The following DLG2 variants were observed in gnomAD, a reference collection of about 807,000 sequenced individuals.
DLG2 encodes disks large homolog 2.
Under a neutral mutation model 132.5 loss-of-function variants are expected in DLG2, and 45 were observed. The observed-to-expected ratio is 0.34, with a 90% confidence interval of 0.27 to 0.44. DLG2 has a LOEUF of 0.44. Ranked by LOEUF, DLG2 falls within the 20% of genes least tolerant of loss-of-function variation. The pLI is 1.00. For synonymous variants in DLG2, 424 were observed against 419.6 expected, an observed-to-expected ratio of 1.01 and a Z score of -0.13; for missense variants, 1,045 against 1,196.9, an observed-to-expected ratio of 0.87 and a Z score of 1.87.
At chr11:84,245,016 T>C (rs1396495961) in intron 8 of DLG2, among the ~76,000 whole-genome samples, 2 of 152,242 alleles carry the variant, frequency 1.3e-5, no homozygotes, top group Non-Finnish European at 2.9e-5. Flanking sequence ...ACTTCTGTAA[T>C]ATGGCAACTT....
At chr11:84,719,064 A>C (rs541417006) in intron 6 of DLG2, among the ~76,000 whole-genome samples, 24 of 152,322 alleles carry the variant, frequency 1.6e-4, no homozygotes, top group African/African-American at 5.3e-4. Context: ...TCTCATCCAC[A>C]GTCCTCATTT....
At chr11:83,743,428 C>CA (rs2092676644) in intron 18 of DLG2, among the ~76,000 whole-genome samples, 1 of 58,274 alleles carries the variant, frequency 1.7e-5, no homozygotes, top group South Asian at 7.1e-4. Context: ...GTGGGCAGGC[C>CA]ATTTTTTTTT....
At chr11:83,508,795 G>T (rs929091466) in intron 21 of DLG2, among the ~76,000 whole-genome samples, 5 of 152,198 alleles carry the variant, frequency 3.3e-5, no homozygotes, top group African/African-American at 1.2e-4. Flanking sequence ...GCCGGCAAGT[G>T]GCAGAACTGG....
rs552536994 is a variant in DLG2 at position 84,283,492 on chromosome 11, CAAGT to C, written c.520-32205_520-32202del. Among the ~76,000 whole-genome samples the C allele has an allele frequency of 2.0e-4, 31 of 152,242 alleles. No homozygotes were observed. In the East Asian group the frequency reaches 6.0e-3, roughly 29 times the overall value. On this transcript the variant is annotated intron_variant, in intron 7 of 27. Coordinates refer to ENST00000376104, the MANE Select transcript of DLG2 (RefSeq NM_001142699.3). Reference sequence around the variant, plus strand: ...AATTTAACTTTACTGATTTATTTAACAAGTAAGAATTAAGTAATAGATCTAAGAT... The same window carrying C: ...AATTTAACTTTACTGATTTATTTAACAAGAATTAAGTAATAGATCTAAGAT...
rs188050611 is a variant in DLG2, at chr11:85,188,573, C to A, written c.187-33922G>T. ...AACAATGACTTTAAAGCAAATATTA[C>A]AAATATATTATAAGAATTAAAGCCC... On this transcript the variant is annotated intron_variant, in intron 4 of 27. Transcript: ENST00000376104. Among the ~76,000 whole-genome samples, 48 of 152,042 alleles carry A rather than the reference C, an allele frequency of 3.2e-4. 1 individual carries two copies. The highest frequency in any genetic ancestry group is 9.4e-4 in the African/African-American group (39 of 41,462).
At chr11:84,184,896 T>C (rs1388776775) in intron 8 of DLG2, among the ~76,000 whole-genome samples, 1 of 152,184 alleles carries the variant, frequency 6.6e-6, no homozygotes, top group Admixed American at 6.5e-5. Context: ...TGCGACATTA[T>C]TTCTGAGGGC....
intron 6 of DLG2, among the ~76,000 whole-genome samples, chr11:84,872,445 A>G (rs2085618845): frequency 6.6e-6 from 1 of 152,198 alleles, no homozygotes. Context: ...GCCCTTGAGG[A>G]TCTTAAGGGT....
chr11:84,869,464 T>C (rs1276414248), intron 6 of DLG2, among the ~76,000 whole-genome samples: 2 of 152,216 alleles, frequency 1.3e-5, no homozygotes, highest in Non-Finnish European at 2.9e-5. Flanking sequence ...TGTCAATCTC[T>C]GAAAGGTTGA....
chr11:83,835,168 A>G (rs568739755), intron 16 of DLG2, among the ~76,000 whole-genome samples: 8 of 152,334 alleles, frequency 5.3e-5, no homozygotes, highest in Non-Finnish European at 1.0e-4. Flanking sequence ...TTCTACAAAT[A>G]CTTTGTAAAC....
At chr11:83,496,181 A>C (rs1354511297) in intron 21 of DLG2, among the ~76,000 whole-genome samples, 1 of 147,806 alleles carries the variant, frequency 6.8e-6, no homozygotes, top group Non-Finnish European at 1.5e-5. Context: ...GATATTTAAC[A>C]TAAGATATAT....
intron 17 of DLG2, among the ~76,000 whole-genome samples, chr11:83,796,386 C>T (rs3862777): frequency 0.42 from 64,164 of 151,984 alleles, 13,768 homozygotes; most frequent in Middle Eastern, 0.58. Context: ...TGATGGCTCA[C>T]AAAACAATAT....
chr11:84,450,655 A>G (rs2099049010), intron 7 of DLG2, among the ~76,000 whole-genome samples: 2 of 151,798 alleles, frequency 1.3e-5, no homozygotes, highest in African/African-American at 4.8e-5. Context: ...CCAATAAAAG[A>G]AACATTATTT....
chr11:84,045,800 A>G (rs879887588), intron 11 of DLG2, among the ~76,000 whole-genome samples: 8 of 151,732 alleles, frequency 5.3e-5, no homozygotes, highest in Non-Finnish European at 1.0e-4. Flanking sequence ...ATGAATCAAG[A>G]ATGGTTAATG....
chr11:84,269,419 C>A (rs148400546), intron 7 of DLG2, among the ~76,000 whole-genome samples: 2 of 152,202 alleles, frequency 1.3e-5, no homozygotes, highest in African/African-American at 4.8e-5. Flanking sequence ...CATTACTGAG[C>A]GTCAAAATTC....
intron 4 of DLG2, among the ~76,000 whole-genome samples, chr11:85,228,529 A>C (rs926726143): frequency 1.3e-5 from 2 of 152,098 alleles, no homozygotes; most frequent in Non-Finnish European, 2.9e-5. Context: ...CCAAGGGTTC[A>C]AGATATCTGA....
At chr11:85,293,301 G>C (rs145786551) in intron 3 of DLG2, among the ~76,000 whole-genome samples, 24 of 152,068 alleles carry the variant, frequency 1.6e-4, no homozygotes, top group African/African-American at 4.1e-4. Flanking sequence ...GGTGGCTTAC[G>C]CCTGTAATCT....
chr11:84,510,724 A>G (rs2099254845), intron 7 of DLG2, among the ~76,000 whole-genome samples: 2 of 152,192 alleles, frequency 1.3e-5, no homozygotes, highest in Admixed American at 6.5e-5. Flanking sequence ...TTGAAGGAAG[A>G]CAATGTTTTA....
At chr11:84,800,355 A>C (rs1205063452) in intron 6 of DLG2, among the ~76,000 whole-genome samples, 1 of 152,228 alleles carries the variant, frequency 6.6e-6, no homozygotes, top group African/African-American at 2.4e-5. Flanking sequence ...TTCAAAATGC[A>C]GCATACAGAG....
intron 8 of DLG2, among the ~76,000 whole-genome samples, chr11:84,168,971 A>C (rs1227953299): frequency 1.3e-5 from 2 of 152,094 alleles, no homozygotes; most frequent in Middle Eastern, 3.2e-3. Context: ...TTTACACTTG[A>C]CCTTACATAC....
Sources: gnomAD v4.1 joint callset for allele counts (sites outside exome capture counted in the v4.1 genomes callset) on GRCh38, gnomAD v4.1.1 for gene constraint, MANE v1.5 for transcripts, NCBI Gene and HGNC (gene_info 2026-07-23, HGNC 2026-07-21) for gene names.